TOX: variants seen among roughly 807,000 people sequenced by gnomAD.
TOX encodes the protein thymocyte selection associated high mobility group box, also known as thymocyte selection-associated high mobility group box protein TOX.
In TOX, 11 loss-of-function variants were observed where a neutral mutation model predicts 53.7. That is an observed-to-expected ratio of 0.20 (90% CI 0.13 to 0.34). The LOEUF is 0.34. Among genes scored for constraint, TOX ranks in the 10% least tolerant of loss-of-function variants. The pLI is 1.00. For synonymous variants in TOX, 225 were observed against 245.3 expected (o/e 0.92, Z 0.77); for missense variants, 570 against 664.6 (o/e 0.86, Z 1.56).
intron 1 of TOX, among the ~76,000 whole-genome samples, chr8:59,033,644 A>G (rs993998514): frequency 1.3e-5 from 2 of 152,228 alleles, no homozygotes; most frequent in Non-Finnish European, 2.9e-5. Context: ...AATGTTTGCT[A>G]AGGTATGAGT....
At chr8:58,844,706 A>G (rs1404412979) in intron 4 of TOX, among the ~76,000 whole-genome samples, 3 of 152,180 alleles carry the variant, frequency 2.0e-5, no homozygotes, top group Admixed American at 1.3e-4. Flanking sequence ...CAACTAAAAC[A>G]TGGCTGAGCT....
At chr8:58,926,349 A>G (rs956885155) in intron 3 of TOX, among the ~76,000 whole-genome samples, 3 of 152,002 alleles carry the variant, frequency 2.0e-5, no homozygotes, top group Non-Finnish European at 2.9e-5. Context: ...CCATGGGGGG[A>G]CATGAGTATG....
intron 1 of TOX, among the ~76,000 whole-genome samples, chr8:58,993,245 T>C (rs1366138050): frequency 2.6e-5 from 4 of 152,224 alleles, no homozygotes; most frequent in Non-Finnish European, 5.9e-5. Context: ...AGCTACACTT[T>C]CATAGCAAAT....
chr8:58,934,102 T>C (rs1051903744), intron 3 of TOX, among the ~76,000 whole-genome samples: 1 of 152,218 alleles, frequency 6.6e-6, no homozygotes, highest in Non-Finnish European at 1.5e-5. Flanking sequence ...TGAATGACTG[T>C]TTAACTTGGA....
At chr8:59,029,937 G>C (rs1035207987) in intron 1 of TOX, among the ~76,000 whole-genome samples, 1 of 152,086 alleles carries the variant, frequency 6.6e-6, no homozygotes, top group African/African-American at 2.4e-5. Flanking sequence ...TTTCAATTAG[G>C]ACTAATTTGC....
intron 3 of TOX, among the ~76,000 whole-genome samples, chr8:58,934,334 C>G (rs1283917046): frequency 1.3e-5 from 2 of 152,124 alleles, no homozygotes; most frequent in Non-Finnish European, 2.9e-5. Flanking sequence ...AACTTTCACT[C>G]TATGTATGCT....
At chr8:58,808,066 A>G (rs377633292) in intron 8 of TOX, 52 bp downstream of exon 8, 2 of 1,568,146 alleles carry the variant, frequency 1.3e-6, no homozygotes, top group East Asian at 2.2e-5. Context: ...TAGGGACGAT[A>G]TGCATGCTAT....
intron 3 of TOX, among the ~76,000 whole-genome samples, chr8:58,893,213 C>CT (rs1554527821): frequency 6.6e-6 from 1 of 151,828 alleles, no homozygotes; most frequent in Non-Finnish European, 1.5e-5. Flanking sequence ...CATAATCTCC[C>CT]CCCCACAAAA....
intron 1 of TOX, among the ~76,000 whole-genome samples, chr8:58,968,321 G>T (rs115009333): frequency 1.3e-5 from 2 of 152,188 alleles, no homozygotes; most frequent in African/African-American, 4.8e-5. Flanking sequence ...CAAAGACTTC[G>T]GCTTCTTTGT....
At chr8:58,817,595 T>C (rs1023188753) in intron 6 of TOX, among the ~76,000 whole-genome samples, 2 of 152,208 alleles carry the variant, frequency 1.3e-5, no homozygotes, top group Non-Finnish European at 2.9e-5. Flanking sequence ...AGAAAGATTA[T>C]GTGTTAAGTC....
chr8:58,999,704 G>T (rs893076387), intron 1 of TOX, among the ~76,000 whole-genome samples: 1 of 152,316 alleles, frequency 6.6e-6, no homozygotes, highest in East Asian at 1.9e-4. Flanking sequence ...ACCACTGGAC[G>T]GAGTGGCACG....
At chr8:59,105,255 C>T (rs1414506403) in intron 1 of TOX, among the ~76,000 whole-genome samples, 2 of 151,978 alleles carry the variant, frequency 1.3e-5, no homozygotes, top group African/African-American at 2.4e-5. Flanking sequence ...GTGAGGCAAC[C>T]GAAATAGGAA....
chr8:59,044,441 G>C (rs972292329), intron 1 of TOX, among the ~76,000 whole-genome samples: 2 of 152,172 alleles, frequency 1.3e-5, no homozygotes, highest in African/African-American at 4.8e-5. Flanking sequence ...GCTGACTACA[G>C]AGAGTTGAAT....
chr8:59,108,563 G>A (rs1005880621), intron 1 of TOX, among the ~76,000 whole-genome samples: 1 of 151,752 alleles, frequency 6.6e-6, no homozygotes, highest in Admixed American at 6.6e-5. Flanking sequence ...CCACTCATTC[G>A]CCTTTTGCAT....
At chr8:58,886,155 T>A (rs1811464471) in intron 3 of TOX, among the ~76,000 whole-genome samples, 1 of 152,106 alleles carries the variant, frequency 6.6e-6, no homozygotes, top group South Asian at 2.1e-4. Flanking sequence ...TACCTGGCCA[T>A]GTTTCTGTCT....
chr8:58,856,784 T>G, intron 3 of TOX, among the ~76,000 whole-genome samples: 2 of 147,710 alleles, frequency 1.4e-5, no homozygotes, highest in South Asian at 2.1e-4. Context: ...GGCAAAAACG[T>G]GGAGGTGATG....
At chr8:58,854,474 T>G (rs1810878591) in intron 3 of TOX, among the ~76,000 whole-genome samples, 2 of 152,106 alleles carry the variant, frequency 1.3e-5, no homozygotes, top group African/African-American at 2.4e-5. Context: ...TGTTAATTTG[T>G]GTAGTGTGTA....
intron 4 of TOX, among the ~76,000 whole-genome samples, chr8:58,845,786 C>T (rs938456157): frequency 3.9e-5 from 6 of 151,956 alleles, no homozygotes; most frequent in Non-Finnish European, 8.8e-5. Flanking sequence ...GAAGTCTGGG[C>T]TAATGTCCAG....
intron 1 of TOX, among the ~76,000 whole-genome samples, chr8:59,085,782 T>C: frequency 6.6e-6 from 1 of 152,106 alleles, no homozygotes; most frequent in East Asian, 1.9e-4. Context: ...TCTTATTTAA[T>C]CAAATGATCC....
Sources: gnomAD v4.1 joint callset for allele counts (sites outside exome capture counted in the v4.1 genomes callset) on GRCh38, gnomAD v4.1.1 for gene constraint, MANE v1.5 for transcripts, NCBI Gene and HGNC (gene_info 2026-07-23, HGNC 2026-07-21) for gene names.